SLC9A9: variants seen among roughly 807,000 people sequenced by gnomAD.
SLC9A9 encodes the protein sodium/hydrogen exchanger 9.
SLC9A9 carries 62 observed loss-of-function variants against 77.8 expected under a neutral mutation model. That is an observed-to-expected ratio of 0.80 (90% confidence interval 0.65 to 0.98). The LOEUF (loss-of-function observed/expected upper bound fraction) is 0.98, where lower values mean the gene tolerates loss of function less well. Among genes scored for constraint, SLC9A9 ranks in the 50% least tolerant of loss-of-function variants. The pLI, the probability that SLC9A9 is intolerant of heterozygous loss-of-function variation, is 0.00. For missense variants in SLC9A9, 775 were observed against 774.9 expected (o/e 1.00, Z 0.00); for synonymous variants, 320 against 283.5 (o/e 1.13, Z -1.29).
intron 7 of SLC9A9, among the ~76,000 whole-genome samples, chr3:143,576,510 G>A (rs781287357): frequency 3.3e-5 from 5 of 152,114 alleles, no homozygotes; most frequent in African/African-American, 1.2e-4. Context: ...GCATAGAAAG[G>A]CTCTGGCACA....
At chr3:143,490,511 T>C (rs1026392739) in intron 11 of SLC9A9, among the ~76,000 whole-genome samples, 2 of 151,986 alleles carry the variant, frequency 1.3e-5, no homozygotes, top group East Asian at 1.9e-4. Flanking sequence ...CTGCCAGGAA[T>C]TGGGAGGAGG....
intron 9 of SLC9A9, among the ~76,000 whole-genome samples, chr3:143,499,419 C>A (rs1214477656): frequency 6.6e-6 from 1 of 151,800 alleles, no homozygotes; most frequent in Non-Finnish European, 1.5e-5. Flanking sequence ...GTACCTTTTT[C>A]AAAGTTCCTT....
intron 2 of SLC9A9, among the ~76,000 whole-genome samples, chr3:143,821,439 C>T (rs182695812): frequency 8.6e-4 from 131 of 152,300 alleles, no homozygotes; most frequent in African/African-American, 2.9e-3. Context: ...AATCATAGAA[C>T]TTTATGCACT....
intron 4 of SLC9A9, among the ~76,000 whole-genome samples, chr3:143,711,869 C>T (rs1194302612): frequency 6.6e-6 from 1 of 152,190 alleles, no homozygotes; most frequent in African/African-American, 2.4e-5. Flanking sequence ...GTGTCTCTGA[C>T]ATAATACTAA....
At chr3:143,433,086 GTTAT>G (rs1363552076) in intron 12 of SLC9A9, among the ~76,000 whole-genome samples, 1 of 152,190 alleles carries the variant, frequency 6.6e-6, no homozygotes, top group African/African-American at 2.4e-5. Context: ...ACAATGAAAG[GTTAT>G]TTAGATATAT....
At chr3:143,786,103 TC>T (rs2008049544) in intron 4 of SLC9A9, among the ~76,000 whole-genome samples, 1 of 151,650 alleles carries the variant, frequency 6.6e-6, no homozygotes, top group Non-Finnish European at 1.5e-5. Flanking sequence ...GATCCGCCCG[TC>T]TCGGCCTCCC....
At chr3:143,428,264 T>TGAATAGACATTCC (rs1378382595) in intron 12 of SLC9A9, among the ~76,000 whole-genome samples, 1 of 152,086 alleles carries the variant, frequency 6.6e-6, no homozygotes, top group African/African-American at 2.4e-5. Flanking sequence ...ATAAAAGACC[T>TGAATAGACATTCC]GAATAGACAT....
chr3:143,721,167 G>A lies in SLC9A9; in HGVS notation c.534-27860C>T, dbSNP rs115386413. 5.0e-3 allele frequency among the ~76,000 whole-genome samples: 767 copies of A among 152,228 alleles called. 9 individuals carry two copies. The highest frequency in any genetic ancestry group is 0.017 in the African/African-American group (709 of 41,524). ...TAGGAGGTCAAGGCTGCAGTGAGGC[G>A]TGGGCAACAGTGAGCCACTTCCCCC... On this transcript the variant is annotated intron_variant, in intron 4 of 15. Transcript: ENST00000316549.
chr3:143,750,782 C>A (rs1315002412), intron 4 of SLC9A9, among the ~76,000 whole-genome samples: 3 of 148,822 alleles, frequency 2.0e-5, no homozygotes, highest in Non-Finnish European at 4.5e-5. Context: ...ATATTTATAA[C>A]AAATATTTGT....
At chr3:143,437,779 C>T (rs2034650812) in intron 12 of SLC9A9, among the ~76,000 whole-genome samples, 1 of 152,116 alleles carries the variant, frequency 6.6e-6, no homozygotes, top group Non-Finnish European at 1.5e-5. Context: ...CTATTTCGTT[C>T]AGAGAAGAAA....
At chr3:143,659,676 T>C (rs1205654272) in intron 5 of SLC9A9, among the ~76,000 whole-genome samples, 1 of 152,216 alleles carries the variant, frequency 6.6e-6, no homozygotes, top group Non-Finnish European at 1.5e-5. Context: ...CCTATCCCTG[T>C]CATCACCCTG....
At chr3:143,619,960 G>A (rs116295373) in intron 6 of SLC9A9, among the ~76,000 whole-genome samples, 1,600 of 152,294 alleles carry the variant, frequency 0.011, 27 homozygotes, top group African/African-American at 0.036. Context: ...AGTGGCAGAG[G>A]TGGAGCTTCA....
chr3:143,432,777 A>T (rs1038895606), intron 12 of SLC9A9, among the ~76,000 whole-genome samples: 1 of 151,842 alleles, frequency 6.6e-6, no homozygotes, highest in Non-Finnish European at 1.5e-5. Context: ...ACAGGTATAT[A>T]CCCCCACACC....
At chr3:143,801,949 A>T (rs1347639522) in intron 2 of SLC9A9, among the ~76,000 whole-genome samples, 1 of 152,198 alleles carries the variant, frequency 6.6e-6, no homozygotes, top group Non-Finnish European at 1.5e-5. Context: ...ACTCTTCTCA[A>T]GGCCGCTTTA....
At chr3:143,397,819 A>G (rs563834279) in intron 12 of SLC9A9, among the ~76,000 whole-genome samples, 2 of 152,292 alleles carry the variant, frequency 1.3e-5, no homozygotes, top group East Asian at 3.9e-4. Context: ...TGCAAGGAGC[A>G]TATTCTCCCC....
intron 14 of SLC9A9, among the ~76,000 whole-genome samples, chr3:143,355,759 T>C (rs868295552): frequency 2.0e-5 from 3 of 152,236 alleles, no homozygotes; most frequent in Non-Finnish European, 4.4e-5. Context: ...GTAGACTTGA[T>C]AAACGTGATA....
chr3:143,613,177 A>G (rs1365844244), intron 6 of SLC9A9, among the ~76,000 whole-genome samples: 1 of 152,242 alleles, frequency 6.6e-6, no homozygotes, highest in Non-Finnish European at 1.5e-5. Flanking sequence ...TTTAAATTGC[A>G]TGATTAATCT....
At chr3:143,409,242 G>C (rs2034046625) in intron 12 of SLC9A9, among the ~76,000 whole-genome samples, 2 of 152,160 alleles carry the variant, frequency 1.3e-5, no homozygotes, top group African/African-American at 4.8e-5. Flanking sequence ...TATTTATTCT[G>C]ATTGAAATAT....
intron 4 of SLC9A9, among the ~76,000 whole-genome samples, chr3:143,725,135 G>C (rs1934606055): frequency 6.6e-6 from 1 of 152,086 alleles, no homozygotes; most frequent in Non-Finnish European, 1.5e-5. Flanking sequence ...TTATTTAAAG[G>C]CTTTGAAGAC....
Sources: allele counts gnomAD v4.1 joint callset (sites outside exome capture counted in the v4.1 genomes callset), GRCh38; gene constraint gnomAD v4.1.1; transcripts MANE v1.5; gene names NCBI Gene and HGNC (gene_info 2026-07-23, HGNC 2026-07-21).